STAT2: variants seen among roughly 807,000 people sequenced by gnomAD.
STAT2 encodes signal transducer and activator of transcription 2, also known as interferon alpha induced transcriptional activator.
STAT2 carries 51 observed loss-of-function variants against 122.3 expected under a neutral mutation model. That is an observed-to-expected ratio of 0.42 (90% CI 0.33 to 0.53). The LOEUF is 0.53. STAT2 is among the 20% of genes least tolerant of loss of function. The pLI is 0.10. For synonymous variants in STAT2, 351 were observed against 394.9 expected, an observed-to-expected ratio of 0.89 and a Z score of 1.32; for missense variants, 736 against 1,010.3, an observed-to-expected ratio of 0.73 and a Z score of 3.68.
intron 8 of STAT2, chr12:56,352,290 C>G (rs1374273310): frequency 6.9e-6 from 1 of 144,590 alleles, no homozygotes; most frequent in South Asian, 2.1e-4. Context: ...CAACCATACA[C>G]TACACATGAG....
At chr12:56,345,524 A>AAAAATATATATATATATATATAT (rs1555169410) in intron 22 of STAT2, among the ~76,000 whole-genome samples, 1 of 26,250 alleles carries the variant, frequency 3.8e-5, no homozygotes, top group African/African-American at 5.3e-4. Context: ...AAAAAAAAAA[A>AAAAATATATATATATATATATAT]ATATATATAT....
At position 56,343,887 on chromosome 12, in the gene STAT2, T is replaced by C; in HGVS notation, c.2351A>G (p.Gln784Arg). The C allele has an allele frequency of 1.9e-6, 3 of 1,614,172 alleles. No homozygotes were observed. Among genetic ancestry groups the C allele is most frequent in the Non-Finnish European group, 2.5e-6 (3 of 1,180,030 alleles). The part of the protein sequence containing the change: ...VPEPDQGPVS[Q>R]PVPEPDLPCD... Reference sequence around the variant, plus strand: ...GGGCAAATCTGGCTCTGGCACTGGCTGTGATACAGGTCCTTGGTCTGGCTC... The same window carrying C: ...GGGCAAATCTGGCTCTGGCACTGGCCGTGATACAGGTCCTTGGTCTGGCTC... The change falls in exon 23 of 24, where the codon CAG (glutamine) becomes CGG (arginine). Residue 784 changes from glutamine (Q) to arginine (R), a missense_variant. Transcript: ENST00000314128.
chr12:56,350,911 G>A (rs1163132553), intron 10 of STAT2, 23 bp from the exon 11 acceptor site: 44 of 1,613,878 alleles, frequency 2.7e-5, no homozygotes, highest in Non-Finnish European at 3.7e-5. Flanking sequence ...AGGGGGATAG[G>A]GGAAAGTGGT....
intron 4 of STAT2, 36 bp downstream of exon 4, chr12:56,355,672 C>T (rs1565659678): frequency 6.2e-7 from 1 of 1,606,074 alleles, no homozygotes. Context: ...CTCTCTACTT[C>T]AGGAGTTTCC....
chr12:56,350,742 T>C (rs776795177), intron 11 of STAT2, 87 bp downstream of exon 11: 74 of 1,375,470 alleles, frequency 5.4e-5, no homozygotes, highest in Non-Finnish European at 6.9e-5. Flanking sequence ...AGGAAGGAGA[T>C]AGCCCTAGGG....
At chr12:56,359,916 G>C (rs1880123564) in intron 1 of STAT2, 142 bp downstream of exon 1, 1 of 382,826 alleles carries the variant, frequency 2.6e-6, no homozygotes, top group South Asian at 1.1e-4. Flanking sequence ...CGAGGACCGA[G>C]CAGGCGACAG....
chr12:56,354,531 C>T lies in STAT2; in HGVS notation c.717G>A (p.Lys239=). ...ELLLPKLEEW[K]AQQQKACIRA... ...TGATGCAGGCTTTTTGCTGCTGGGC[C>T]TTCCACTCCTCCAACTTTGGCAGCA... is the stretch of plus-strand genomic sequence containing the variant. Residue 239 remains lysine, a synonymous_variant, in exon 8 of 24, where the codon AAG becomes AAA. Transcript: ENST00000314128. 1 of 1,614,206 alleles carries T rather than the reference C, an allele frequency of 6.2e-7. No individual in the cohort carries two copies. Among genetic ancestry groups the T allele is most frequent in the Non-Finnish European group, 8.5e-7 (1 of 1,180,034 alleles).
At chr12:56,343,586 C>G in intron 23 of STAT2, 55 bp from the exon 24 acceptor site, 7 of 1,586,160 alleles carry the variant, frequency 4.4e-6, no homozygotes, top group Non-Finnish European at 4.3e-6. Flanking sequence ...AGTTCCCAAC[C>G]CAGCAGGGAA....
In STAT2 at chr12:56,348,859, A is replaced by G. The variant is rs374256214; in HGVS notation, c.1577-55T>C. The G allele has an allele frequency of 4.3e-6, 7 of 1,614,040 alleles. No homozygotes were observed. The African/African-American group carries it at 6.7e-5, about 15-fold the overall frequency. ...TGAGGGAAGCCAGGGGTCCTGGGAT[A>G]GATAGGACAGAGGGACAGAAAAGAC... On this transcript the variant is annotated intron_variant, in intron 17 of 23. Coordinates refer to ENST00000314128, the MANE Select transcript of STAT2 (RefSeq NM_005419.4).
intron 1 of STAT2, among the ~76,000 whole-genome samples, chr12:56,357,341 C>T (rs1458371080): frequency 4.0e-5 from 6 of 151,802 alleles, no homozygotes; most frequent in Non-Finnish European, 7.4e-5. Flanking sequence ...TGGTCCCAAC[C>T]TGTATTTTTT....
At chr12:56,356,404 C>T (rs372436078) in intron 2 of STAT2, 37 bp downstream of exon 2, 3 of 1,610,550 alleles carry the variant, frequency 1.9e-6, no homozygotes, top group Non-Finnish European at 2.5e-6. Context: ...AGTAAGGAAC[C>T]ACCTTTTTCA....
chr12:56,348,485 C>T (rs762437473), intron 19 of STAT2, 44 bp downstream of exon 19: 88 of 1,605,518 alleles, frequency 5.5e-5, no homozygotes, highest in Non-Finnish European at 7.3e-5. Flanking sequence ...ACTCTCAAGC[C>T]CGGAAAGCAC....
intron 8 of STAT2, among the ~76,000 whole-genome samples, chr12:56,353,163 T>C (rs1043658532): frequency 1.3e-5 from 2 of 152,306 alleles, no homozygotes; most frequent in South Asian, 4.1e-4. Context: ...TTTGTATTTT[T>C]AGTAGAGATG....
chr12:56,348,672 G>A (rs1269686193), intron 18 of STAT2, 49 bp from the exon 19 acceptor site: 10 of 1,614,062 alleles, frequency 6.2e-6, no homozygotes, highest in East Asian at 4.5e-5. Context: ...TGCCTCTGGT[G>A]TAGGGAAGGA....
chr12:56,347,089 CT>C lies in STAT2; in HGVS notation c.1725-135del, dbSNP rs528775745. 1.1e-4 allele frequency: 142 copies of C among 1,347,216 alleles called. No homozygotes were observed. The East Asian group carries it at 2.2e-3, about 21-fold the overall frequency. The allele number at this position is 1,347,216 out of a possible 1,614,324, so 83.5% of individuals were successfully genotyped here. A position where few individuals can be genotyped will look rare whatever the true frequency, so the allele number is the denominator to read the frequency against. On this transcript the variant is annotated intron_variant, in intron 19 of 23. Coordinates refer to ENST00000314128, the MANE Select transcript of STAT2 (RefSeq NM_005419.4). ...CTTTGGACCAAGCCCTGCCACTTAG[CT>C]TTTTTTTATCTTTTACAAGTCACTT... is the stretch of plus-strand genomic sequence containing the variant.
Position 56,349,030 on chromosome 12 carries a change from C to CT in STAT2, c.1469dup (p.Ala491GlyfsTer40). The CT allele has an allele frequency of 1.9e-6, 3 of 1,613,478 alleles. No homozygotes were observed. Among genetic ancestry groups the CT allele is most frequent in the Non-Finnish European group, 2.5e-6 (3 of 1,179,712 alleles). The stretch of plus-strand genomic sequence containing the variant: ...CAGGGCCCAGCAAGCTCCAGGGGGC[C>CT]TTGGGGGGGTTGGAGAAGAACTGCT... On this transcript the variant is annotated frameshift_variant, in exon 17 of 24. Coordinates refer to ENST00000314128, the MANE Select transcript of STAT2 (RefSeq NM_005419.4). LOFTEE classifies it high-confidence loss of function.
At chr12:56,347,027 C>T in intron 19 of STAT2, 72 bp from the exon 20 acceptor site, 3 of 1,574,830 alleles carry the variant, frequency 1.9e-6, no homozygotes, top group Middle Eastern at 1.8e-4. Flanking sequence ...TCCCTGCTCC[C>T]CTTGTATGGA....
At chr12:56,357,707 TTTC>T (rs1293190480) in intron 1 of STAT2, among the ~76,000 whole-genome samples, 2 of 149,886 alleles carry the variant, frequency 1.3e-5, no homozygotes, top group African/African-American at 4.9e-5. Context: ...GGGAATTTTC[TTTC>T]TTTTTTTTTT....
At chr12:56,353,873 G>A (rs1565656918) in intron 8 of STAT2, among the ~76,000 whole-genome samples, 1 of 149,342 alleles carries the variant, frequency 6.7e-6, no homozygotes, top group Non-Finnish European at 1.5e-5. Context: ...GTGTGTGCCT[G>A]TAATCCCAGC....
Sources: allele counts gnomAD v4.1 joint callset (sites outside exome capture counted in the v4.1 genomes callset), GRCh38; gene constraint gnomAD v4.1.1; transcripts MANE v1.5; gene names NCBI Gene and HGNC (gene_info 2026-07-23, HGNC 2026-07-21).